Variants in MGA observed in about 807,000 individuals in gnomAD.
The protein encoded by MGA is MAX gene-associated protein.
In MGA, 40 loss-of-function variants were observed where a neutral mutation model predicts 261.1. The observed-to-expected ratio is 0.15, with a 90% CI of 0.12 to 0.20. The LOEUF is 0.20. Among genes scored for constraint, MGA ranks in the 10% least tolerant of loss-of-function variants. The probability of loss-of-function intolerance (pLI) is 1.00; values close to 1 mark genes in which losing one functional copy is unlikely to be tolerated. For missense variants in MGA, 3,397 were observed against 3,630.5 expected (o/e 0.94, Z 1.65); for synonymous variants, 1,302 against 1,290.6 (o/e 1.01, Z -0.19).
chr15:41,766,648 C>G lies in MGA; in HGVS notation c.8566C>G (p.Pro2856Ala). The change falls in exon 24 of 24, where the codon CCA becomes GCA. Residue 2856 changes from proline to alanine, a missense_variant. Physicochemically the swap from Pro to Ala is conservative, Grantham distance 27. Transcript: ENST00000219905. ...ACCCAGCTCTATGGATACAGAGTTCCCAGGGGATGCTCGGCGGGCTTTTAT... is the reference window on the plus strand; with the variant it reads ...ACCCAGCTCTATGGATACAGAGTTCGCAGGGGATGCTCGGCGGGCTTTTAT... 6.2e-7 allele frequency: 1 copy of G among 1,613,966 alleles called. No homozygotes were observed. The highest frequency in any genetic ancestry group is 8.5e-7 in the Non-Finnish European group (1 of 1,179,898).
In MGA at chr15:41,720,697, G is replaced by GT. The variant is rs563276070; in HGVS notation, c.3431-6482dup. Among the ~76,000 whole-genome samples the GT allele has an allele frequency of 4.5e-3, 682 of 152,234 alleles. 5 individuals are homozygous for GT. The highest frequency in any genetic ancestry group is 0.015 in the African/African-American group (613 of 41,540). Reference sequence around the variant, plus strand: ...AAATACAAAAAATTAGCCGGGCATGGTGGTGTGCGCCTGTAATCCCAGCTA... The same window carrying GT: ...AAATACAAAAAATTAGCCGGGCATGGTTGGTGTGCGCCTGTAATCCCAGCTA... On this transcript the variant is annotated intron_variant, in intron 9 of 23. Transcript: ENST00000219905.
chr15:41,667,771 C>T (rs1049840723), intron 1 of MGA, among the ~76,000 whole-genome samples: 5 of 151,966 alleles, frequency 3.3e-5, no homozygotes, highest in Non-Finnish European at 1.5e-5. Context: ...ATGATTTTGC[C>T]AGATTAAAAA....
At chr15:41,691,680 T>C in intron 2 of MGA, 1 of 516,290 alleles carries the variant, frequency 1.9e-6, no homozygotes, top group Non-Finnish European at 4.0e-6. Flanking sequence ...TAAAGGCTTC[T>C]TTTGGTAGGT....
At chr15:41,737,737 T>C (rs1456984295) in intron 13 of MGA, among the ~76,000 whole-genome samples, 1 of 152,042 alleles carries the variant, frequency 6.6e-6, no homozygotes, top group African/African-American at 2.4e-5. Context: ...TCCCAGCACT[T>C]TGGGAGGCCG....
Position 41,700,786 on chromosome 15 carries a change from A to G in MGA, c.2188+1627A>G, listed in dbSNP as rs547602843. 2.6e-5 allele frequency among the ~76,000 whole-genome samples: 4 copies of G among 152,326 alleles called. No individual in the cohort carries two copies. In the East Asian group the frequency reaches 7.7e-4, roughly 29 times the overall value. ...GTTTCTTACGACTATCTTTGATTTT[A>G]GATAGGCATCTTGGAGTAGTTTTTT... On this transcript the variant is annotated intron_variant, in intron 5 of 23. Transcript: ENST00000219905.
At position 41,736,685 on chromosome 15, in the gene MGA, C is replaced by A; in HGVS notation, c.4421C>A (p.Ser1474Tyr). 6.2e-7 allele frequency: 1 copy of A among 1,607,844 alleles called. No individual in the cohort carries two copies. The highest frequency in any genetic ancestry group is 8.5e-7 in the Non-Finnish European group (1 of 1,177,068). Residue 1474 changes from serine (S) to tyrosine (Y), a missense_variant, in exon 13 of 24, where the codon TCT becomes TAT. Ser to Tyr is a moderately radical substitution (Grantham distance 144, BLOSUM62 -2). Coordinates refer to ENST00000219905, the MANE Select transcript of MGA (RefSeq NM_001164273.2). ...AAACGTAAACCCAGTTCAAGTACAT[C>A]TGGGCTTATCCAGGTGAGAATTATC... is the stretch of plus-strand genomic sequence containing the variant.
intron 9 of MGA, among the ~76,000 whole-genome samples, chr15:41,719,412 A>G (rs894625384): frequency 1.3e-5 from 2 of 152,134 alleles, no homozygotes; most frequent in Admixed American, 6.6e-5. Context: ...TTTATGAAAA[A>G]CAGAGGACTT....
Position 41,711,299 on chromosome 15 carries a change from A to G in MGA, c.3034A>G (p.Ile1012Val), listed in dbSNP as rs2060372050. The G allele has an allele frequency of 1.9e-6, 3 of 1,613,556 alleles. No individual in the cohort carries two copies. The highest frequency in any genetic ancestry group is 2.5e-6 in the Non-Finnish European group (3 of 1,179,772). Reference sequence around the variant, plus strand: ...TTGGGAAGGAAAACCAAGGACATACATCACAGAAGAGCGAGCAGATGTATC... The same window carrying G: ...TTGGGAAGGAAAACCAAGGACATACGTCACAGAAGAGCGAGCAGATGTATC... Residue 1012 changes from isoleucine (I) to valine (V), a missense_variant, in exon 8 of 24, where the codon ATC becomes GTC. Physicochemically the swap from Ile to Val is conservative, Grantham distance 29 (BLOSUM62 3). Transcript: ENST00000219905.
chr15:41,754,592 G>A (rs754075012), intron 18 of MGA, 25 bp downstream of exon 18: 8 of 1,525,742 alleles, frequency 5.2e-6, no homozygotes, highest in Non-Finnish European at 7.0e-6. Flanking sequence ...TCTTTGGATT[G>A]TTGTTTTTGT....
chr15:41,648,579 A>G (rs1011701978), intron 1 of MGA, among the ~76,000 whole-genome samples: 1 of 152,212 alleles, frequency 6.6e-6, no homozygotes, highest in Non-Finnish European at 1.5e-5. Flanking sequence ...GGTAGGATGT[A>G]TAGGTGTTAC....
At position 41,725,834 on chromosome 15, in the gene MGA, CAAAAAAAA is replaced by C. The variant is rs1204528358; in HGVS notation, c.3431-1331_3431-1324del. On this transcript the variant is annotated intron_variant, in intron 9 of 23. Transcript: ENST00000219905. Reference sequence around the variant, plus strand: ...TGGGCGACAGAGCGAGACTCCGTCTCAAAAAAAAAAAAAAAAAAAAAATAAATAAATAA... The same window carrying C: ...TGGGCGACAGAGCGAGACTCCGTCTCAAAAAAAAAAAAAATAAATAAATAA... Among the ~76,000 whole-genome samples the C allele has an allele frequency of 7.7e-4, 7 of 9,034 alleles. 3 individuals are homozygous for C. The South Asian group carries it at 0.035, about 45-fold the overall frequency. The allele number at this position is 9,034 out of a possible 152,430, so 5.9% of individuals were successfully genotyped here.
At chr15:41,644,752 G>A (rs946807604) in intron 1 of MGA, among the ~76,000 whole-genome samples, 3 of 152,148 alleles carry the variant, frequency 2.0e-5, no homozygotes, top group Non-Finnish European at 4.4e-5. Context: ...TACCATAGAG[G>A]TTGTCTTCAG....
chr15:41,728,165 A>G lies in MGA; in HGVS notation c.3657+759A>G, dbSNP rs568749677. 2.0e-3 allele frequency among the ~76,000 whole-genome samples: 306 copies of G among 152,138 alleles called. 1 individual carries two copies. The highest frequency in any genetic ancestry group is 3.7e-3 in the Admixed American group (57 of 15,268). On this transcript the variant is annotated intron_variant, in intron 10 of 23. Transcript: ENST00000219905. ...GCCAACATGGTGAAACCCCGCCTCT[A>G]CTAAAAATAAGAAAAATTAGCCGGG... is the stretch of plus-strand genomic sequence containing the variant.
chr15:41,764,939 C>G lies in MGA; in HGVS notation c.7798C>G (p.Pro2600Ala). 1 of 1,614,064 alleles carries G rather than the reference C, an allele frequency of 6.2e-7. No individual in the cohort carries two copies. The highest frequency in any genetic ancestry group is 2.2e-5 in the East Asian group (1 of 44,888). ...CACCTCTGCCAACCTTGTGATGACT[C>G]CGCAAGGGCAATTGCTCACCCTAAA... Residue 2600 changes from proline (P) to alanine (A), a missense_variant, in exon 23 of 24, where the codon CCG becomes GCG. Transcript: ENST00000219905.
intron 1 of MGA, among the ~76,000 whole-genome samples, chr15:41,655,366 C>G (rs370988674): frequency 2.0e-5 from 3 of 151,458 alleles, no homozygotes; most frequent in East Asian, 1.9e-4. Flanking sequence ...TTTAGTGGAG[C>G]CTTGCTGTGT....
intron 19 of MGA, among the ~76,000 whole-genome samples, chr15:41,758,369 A>G (rs1774082995): frequency 1.3e-5 from 2 of 152,040 alleles, no homozygotes; most frequent in South Asian, 2.1e-4. Context: ...TTGTTTTTCT[A>G]TCTTAATTTA....
rs138936805 is a variant in MGA, at chr15:41,661,465, A to C, written c.-68+940A>C. On this transcript the variant is annotated intron_variant, in intron 1 of 23. Transcript: ENST00000219905. Reference sequence around the variant, plus strand: ...AAAGTGGTAGTGTCTTGCTGTACAGATTTTTGCCTTGCCTTTCGAACCCTG... The same window carrying C: ...AAAGTGGTAGTGTCTTGCTGTACAGCTTTTTGCCTTGCCTTTCGAACCCTG... 2.3e-3 allele frequency among the ~76,000 whole-genome samples: 351 copies of C among 151,546 alleles called. 1 individual carries two copies. The highest frequency in any genetic ancestry group is 8.1e-3 in the African/African-American group (335 of 41,224).
chr15:41,652,706 A>G (rs1443925320), intron 1 of MGA, among the ~76,000 whole-genome samples: 1 of 151,936 alleles, frequency 6.6e-6, no homozygotes, highest in East Asian at 1.9e-4. Context: ...TACACTACCA[A>G]CTACAGTTTT....
At chr15:41,714,701 T>C (rs2060541010) in intron 9 of MGA, among the ~76,000 whole-genome samples, 1 of 152,090 alleles carries the variant, frequency 6.6e-6, no homozygotes, top group African/African-American at 2.4e-5. Flanking sequence ...CCATGTTGCG[T>C]AGGCTGGTCT....
Sources: gnomAD v4.1 joint callset for allele counts (sites outside exome capture counted in the v4.1 genomes callset) on GRCh38, gnomAD v4.1.1 for gene constraint, MANE v1.5 for transcripts, NCBI Gene and HGNC (gene_info 2026-07-23, HGNC 2026-07-21) for gene names.